The following MRC1 variants were observed in gnomAD, a reference collection of about 807,000 sequenced individuals.
MRC1 encodes mannose receptor C-type 1, also known as macrophage mannose receptor 1.
A neutral mutation model predicts 102.9 loss-of-function variants in MRC1; 62 were observed. The ratio of observed to expected loss-of-function variants is 0.60; its 90% CI spans 0.49 to 0.74. The LOEUF (loss-of-function observed/expected upper bound fraction) is 0.74. MRC1 is among the 30% of genes least tolerant of loss of function. MRC1 has a pLI of 0.00. For missense variants in MRC1, 1,237 were observed against 862.8 expected, an observed-to-expected ratio of 1.43 and a Z score of -5.43; for synonymous variants, 457 against 298.4, an observed-to-expected ratio of 1.53 and a Z score of -5.48.
chr10:17,822,465 T>C (rs781818239), intron 1 of MRC1, among the ~76,000 whole-genome samples: 2,459 of 151,978 alleles, frequency 0.016, 69 homozygotes, highest in Middle Eastern at 0.078. Context: ...CTACAAAAAA[T>C]AAAAAATGAG....
At chr10:17,867,376 T>TCTTCTC (rs1365084743) in intron 12 of MRC1, among the ~76,000 whole-genome samples, 1 of 142,492 alleles carries the variant, frequency 7.0e-6, no homozygotes, top group African/African-American at 2.7e-5. Flanking sequence ...TTCTTCTTCT[T>TCTTCTC]CTTCTTCTTC....
chr10:17,869,628 A>G (rs1833326548), intron 12 of MRC1, among the ~76,000 whole-genome samples: 1 of 152,124 alleles, frequency 6.6e-6, no homozygotes, highest in Non-Finnish European at 1.5e-5. Context: ...AAATCATATA[A>G]TCTTTTAAAT....
intron 23 of MRC1, among the ~76,000 whole-genome samples, chr10:17,896,361 T>TTC (rs1245400519): frequency 2.0e-5 from 3 of 152,206 alleles, no homozygotes; most frequent in Admixed American, 2.0e-4. Context: ...CATGTCATTT[T>TTC]TCTCTCTATA....
Position 17,826,651 on chromosome 10 carries a change from A to G in MRC1, c.464-891A>G, listed in dbSNP as rs1044921935. On this transcript the variant is annotated intron_variant, in intron 2 of 29. Transcript: ENST00000569591. ...TTTAAACATACTGGACAATGTAGCT[A>G]TGTGCATTGTTTGGTTCTTAGTGGA... Among the ~76,000 whole-genome samples the G allele has an allele frequency of 2.6e-3, 403 of 152,328 alleles. 1 individual carries two copies. The highest frequency in any genetic ancestry group is 8.9e-3 in the African/African-American group (371 of 41,580).
chr10:17,908,933 C>G (rs1833932694), intron 28 of MRC1, among the ~76,000 whole-genome samples: 2 of 152,144 alleles, frequency 1.3e-5, no homozygotes, highest in African/African-American at 4.8e-5. Flanking sequence ...AGGCTAATTT[C>G]AAAACCCCTA....
At chr10:17,860,979 T>G (rs1833176477) in intron 9 of MRC1, among the ~76,000 whole-genome samples, 1 of 152,232 alleles carries the variant, frequency 6.6e-6, no homozygotes, top group Non-Finnish European at 1.5e-5. Flanking sequence ...TTCCTATTGT[T>G]TATCCAATAG....
At position 17,844,913 on chromosome 10, in the gene MRC1, A is replaced by AT. The variant is rs1275559434; in HGVS notation, c.917-367dup. ...TTGCTGCAAAGGACATGATGATTTC[A>AT]TTTTTTTTTATGGCGGCATAATCAT... On this transcript the variant is annotated intron_variant, in intron 5 of 29. Transcript: ENST00000569591. Among the ~76,000 whole-genome samples the AT allele has an allele frequency of 5.8e-3, 878 of 151,286 alleles. 11 individuals are homozygous for AT. The highest frequency in any genetic ancestry group is 0.018 in the African/African-American group (736 of 41,200).
intron 1 of MRC1, among the ~76,000 whole-genome samples, chr10:17,821,424 G>C (rs1240507121): frequency 6.6e-6 from 1 of 152,124 alleles, no homozygotes; most frequent in Non-Finnish European, 1.5e-5. Flanking sequence ...TACTGCAGTG[G>C]TTAATTTTAT....
chr10:17,828,607 G>T (rs1163654174), intron 3 of MRC1, among the ~76,000 whole-genome samples: 1 of 151,476 alleles, frequency 6.6e-6, no homozygotes, highest in African/African-American at 2.5e-5. Context: ...GTCATCAAAA[G>T]TGTTCTTCAC....
chr10:17,876,232 G>T lies in MRC1; in HGVS notation c.2550+979G>T, dbSNP rs1049234367. 1.5e-3 allele frequency among the ~76,000 whole-genome samples: 232 copies of T among 151,626 alleles called. 1 individual carries two copies. The highest frequency in any genetic ancestry group is 5.4e-3 in the African/African-American group (221 of 41,280). On this transcript the variant is annotated intron_variant, in intron 17 of 29. Coordinates refer to ENST00000569591, the MANE Select transcript of MRC1 (RefSeq NM_002438.4). ...TTGTTTAAATATTTAGTGCAGAATT[G>T]CAGAACTCAGAATCTTTTTTTTTTT...
chr10:17,863,706 G>C, intron 11 of MRC1, 24 bp downstream of exon 11: 1 of 779,596 alleles, frequency 1.3e-6, no homozygotes, highest in Non-Finnish European at 2.4e-6. Flanking sequence ...TTAGGTTGAG[G>C]GTTGCTTTCA....
At chr10:17,821,207 C>A (rs1400835203) in intron 1 of MRC1, among the ~76,000 whole-genome samples, 1 of 151,892 alleles carries the variant, frequency 6.6e-6, no homozygotes, top group East Asian at 1.9e-4. Flanking sequence ...AACTAGGAAC[C>A]CAGGTGGCAT....
intron 12 of MRC1, among the ~76,000 whole-genome samples, chr10:17,869,007 C>T (rs947628314): frequency 1.3e-4 from 20 of 152,170 alleles, no homozygotes; most frequent in South Asian, 2.1e-4. Flanking sequence ...GGATGTTAGG[C>T]GATGGAGATT....
At chr10:17,874,129 T>A (rs1833393089) in intron 16 of MRC1, among the ~76,000 whole-genome samples, 1 of 152,206 alleles carries the variant, frequency 6.6e-6, no homozygotes, top group East Asian at 1.9e-4. Flanking sequence ...AGGAACTTGG[T>A]GGCTTAAAAT....
chr10:17,866,828 G>T (rs1264597946), intron 12 of MRC1, 67 bp downstream of exon 12: 3 of 779,100 alleles, frequency 3.9e-6, no homozygotes, highest in African/African-American at 3.4e-5. Flanking sequence ...ATCATCTAAG[G>T]ACATAGAAAA....
chr10:17,902,704 C>T (rs1018003926), intron 26 of MRC1, among the ~76,000 whole-genome samples: 5 of 152,188 alleles, frequency 3.3e-5, no homozygotes, highest in Non-Finnish European at 5.9e-5. Context: ...CTCCATCCAA[C>T]AGTGGTACGC....
Position 17,856,288 on chromosome 10 carries a change from T to C in MRC1, c.1454T>C (p.Ile485Thr). 4 of 866,802 alleles carry C rather than the reference T, an allele frequency of 4.6e-6. No individual in the cohort carries two copies. Among genetic ancestry groups the C allele is most frequent in the Non-Finnish European group, 8.0e-6 (4 of 499,202 alleles). 53.7% of individuals were successfully genotyped at this position (866,802 alleles called of 1,614,324 possible). A position where few individuals can be genotyped will look rare whatever the true frequency, so the allele number is the denominator to read the frequency against. The change falls in exon 9 of 30, where the codon ATC (isoleucine) becomes ACC (threonine). Residue 485 changes from isoleucine to threonine, a missense_variant. Coordinates refer to ENST00000569591, the MANE Select transcript of MRC1 (RefSeq NM_002438.4). ...GGCTGTGAGTGGCCTCTTGGCTACA[T>C]CTGCAAGATGAAATCACGAAGCCAA... is the stretch of plus-strand genomic sequence containing the variant. Reference protein sequence around the residue: ...DRGCEWPLGYICKMKSRSQGP... With the variant: ...DRGCEWPLGYTCKMKSRSQGP...
chr10:17,876,677 A>G (rs2130684831), intron 17 of MRC1, among the ~76,000 whole-genome samples: 1 of 152,230 alleles, frequency 6.6e-6, no homozygotes, highest in East Asian at 1.9e-4. Context: ...TCAGTCCTGG[A>G]CCCTTTGTGT....
At chr10:17,872,172 C>T (rs1833363207) in intron 15 of MRC1, 46 bp downstream of exon 15, 2 of 779,844 alleles carry the variant, frequency 2.6e-6, no homozygotes, top group African/African-American at 1.7e-5. Context: ...GTAGACTAAC[C>T]TCCTGACACC....
Sources: allele counts gnomAD v4.1 joint callset (sites outside exome capture counted in the v4.1 genomes callset), GRCh38; gene constraint gnomAD v4.1.1; transcripts MANE v1.5; gene names NCBI Gene and HGNC (gene_info 2026-07-23, HGNC 2026-07-21).